Variants in CELF2 observed in about 807,000 individuals in gnomAD.
The protein encoded by CELF2 is CUG triplet repeat RNA-binding protein 2.
CELF2 carries 8 observed loss-of-function variants against 62.6 expected under a neutral mutation model. That is an observed-to-expected ratio of 0.13 (90% CI 0.07 to 0.23). CELF2 has a LOEUF of 0.23. CELF2 is among the 10% of genes least tolerant of loss of function. CELF2 has a pLI of 1.00. For missense variants in CELF2, 333 were observed against 671.0 expected, an observed-to-expected ratio of 0.50 and a Z score of 5.56; for synonymous variants, 258 against 250.0, an observed-to-expected ratio of 1.03 and a Z score of -0.30.
Position 11,211,809 on chromosome 10 carries a change from A to AGT in CELF2, c.272-5615_272-5614insTG, listed in dbSNP as rs766424195. On this transcript the variant is annotated intron_variant, in intron 2 of 12. Coordinates refer to ENST00000633077, the MANE Select transcript of CELF2 (RefSeq NM_001326342.2). The surrounding 1 kb of genome is among the most constrained non-coding windows in gnomAD (Gnocchi z 4.8). ...ATGTGTGTGAGAGAGAGAGAGAGAG[A>AGT]GAGAGTGTGTGTGTGTGTGTGTGTG... 1.2e-3 allele frequency among the ~76,000 whole-genome samples: 162 copies of AGT among 129,950 alleles called. No individual in the cohort carries two copies. The highest frequency in any genetic ancestry group is 1.8e-3 in the Admixed American group (24 of 13,178). The allele number at this position is 129,950 out of a possible 152,430, so 85.3% of individuals were successfully genotyped here. A position where few individuals can be genotyped will look rare whatever the true frequency, so the allele number is the denominator to read the frequency against.
Position 11,246,810 on chromosome 10 carries a change from C to G in CELF2, c.355-2343C>G, listed in dbSNP as rs1174364596. On this transcript the variant is annotated intron_variant, in intron 3 of 12. Transcript: ENST00000633077. The surrounding 1 kb of genome is among the most constrained non-coding windows in gnomAD (Gnocchi z 4.6). ...GCATACCTGTGGCTTCACTGTCACGCTAAGGAACATTCTCTGTGGCCCTGG... is the reference window on the plus strand; with the variant it reads ...GCATACCTGTGGCTTCACTGTCACGGTAAGGAACATTCTCTGTGGCCCTGG... Among the ~76,000 whole-genome samples, 2 of 152,242 alleles carry G rather than the reference C, an allele frequency of 1.3e-5. No homozygotes were observed. Among genetic ancestry groups the G allele is most frequent in the Non-Finnish European group, 2.9e-5 (2 of 68,046 alleles).
chr10:11,086,607 A>C (rs887465435), intron 1 of CELF2, among the ~76,000 whole-genome samples: 3 of 124,328 alleles, frequency 2.4e-5, no homozygotes, highest in Non-Finnish European at 5.2e-5. Flanking sequence ...AAAAAAAAAA[A>C]AAACTCCCGA....
chr10:11,130,746 A>G (rs970110985), intron 1 of CELF2, among the ~76,000 whole-genome samples: 1 of 152,216 alleles, frequency 6.6e-6, no homozygotes, highest in African/African-American at 2.4e-5. Flanking sequence ...ATTGTTGGGT[A>G]AGTGAAGATT....
intron 1 of CELF2, chr10:11,105,389 G>A (rs1056862911): frequency 2.0e-5 from 3 of 152,210 alleles, no homozygotes; most frequent in Non-Finnish European, 4.4e-5. Flanking sequence ...GTGTTACGGA[G>A]ACCAAGGGAG....
intron 1 of CELF2, among the ~76,000 whole-genome samples, chr10:10,874,918 T>C (rs1291429584): frequency 2.6e-5 from 4 of 152,164 alleles, no homozygotes; most frequent in Non-Finnish European, 1.5e-5. Flanking sequence ...TTAATTTTGA[T>C]CTGTTTTAAG....
chr10:11,097,236 G>A (rs1196949482), intron 1 of CELF2: 1 of 152,182 alleles, frequency 6.6e-6, no homozygotes, highest in Non-Finnish European at 1.5e-5. Context: ...AAAAAATTAA[G>A]ATAACATAGG....
chr10:10,735,345 C>T, the CELF2 span, among the ~76,000 whole-genome samples: 1 of 152,116 alleles, frequency 6.6e-6, no homozygotes, highest in Non-Finnish European at 1.5e-5. Context: ...AAATCTCATC[C>T]GTGCCATATT....
At chr10:10,690,274 G>A in the CELF2 span, among the ~76,000 whole-genome samples, 1 of 152,152 alleles carries the variant, frequency 6.6e-6, no homozygotes, top group African/African-American at 2.4e-5. Context: ...TTACCCTGTA[G>A]CATACGATGT....
chr10:10,671,634 G>A, the CELF2 span, among the ~76,000 whole-genome samples: 1 of 152,046 alleles, frequency 6.6e-6, no homozygotes, highest in African/African-American at 2.4e-5. Context: ...ATTCTAATAG[G>A]TGTACAGGTG....
At chr10:11,326,080 C>T (rs894798078) in intron 12 of CELF2, 101 bp downstream of exon 12, 5 of 1,190,988 alleles carry the variant, frequency 4.2e-6, no homozygotes, top group Admixed American at 4.7e-5. Context: ...AGGGCCTTCC[C>T]CACATTGTGT....
chr10:11,199,430 TG>T (rs1446662313), intron 2 of CELF2, among the ~76,000 whole-genome samples: 3 of 152,120 alleles, frequency 2.0e-5, no homozygotes, highest in Non-Finnish European at 2.9e-5. Flanking sequence ...CCACAAGTGC[TG>T]GAAGTAGATG....
At chr10:10,955,049 T>C (rs2048744719) in intron 2 of CELF2, among the ~76,000 whole-genome samples, 1 of 152,230 alleles carries the variant, frequency 6.6e-6, no homozygotes, top group African/African-American at 2.4e-5. Context: ...CTGTGTAAGG[T>C]TAAATGTGTA....
In CELF2 at chr10:11,007,010, C is replaced by T. The variant is rs550866900; in HGVS notation, c.53+1570C>T. 1.1e-3 allele frequency among the ~76,000 whole-genome samples: 172 copies of T among 152,158 alleles called. 3 individuals are homozygous for T. The highest frequency in any genetic ancestry group is 4.1e-3 in the African/African-American group (169 of 41,432). On this transcript the variant is annotated intron_variant, in intron 1 of 12. Transcript: ENST00000416382. ...AAGAAATAAAAGAATTGGCCCTAGA[C>T]TAGTGAATTATAATTGATTTACATG...
chr10:11,047,329 G>A (rs2063045577), intron 1 of CELF2, among the ~76,000 whole-genome samples: 1 of 152,164 alleles, frequency 6.6e-6, no homozygotes, highest in African/African-American at 2.4e-5. Flanking sequence ...GAGGACACTA[G>A]GAGGGTGTTC....
intron 2 of CELF2, among the ~76,000 whole-genome samples, chr10:10,977,022 C>A (rs2051427038): frequency 6.6e-6 from 1 of 152,202 alleles, no homozygotes; most frequent in East Asian, 1.9e-4. Flanking sequence ...ATTCTGACAC[C>A]TAAAAGAGTT....
chr10:10,707,053 C>T, the CELF2 span, among the ~76,000 whole-genome samples: 4 of 152,124 alleles, frequency 2.6e-5, no homozygotes, highest in Admixed American at 6.5e-5. Flanking sequence ...TTTTTCAACC[C>T]TAGGGGGTCA....
At chr10:10,881,873 T>C (rs572439474) in intron 1 of CELF2, among the ~76,000 whole-genome samples, 12 of 152,230 alleles carry the variant, frequency 7.9e-5, no homozygotes, top group Non-Finnish European at 1.3e-4. Context: ...TGGATATTAC[T>C]CCATCTTCAA....
At chr10:11,179,372 A>G (rs916368113) in intron 2 of CELF2, among the ~76,000 whole-genome samples, 4 of 152,202 alleles carry the variant, frequency 2.6e-5, no homozygotes, top group African/African-American at 9.7e-5. Flanking sequence ...GCAAATAAAG[A>G]TCAGAAGTCC....
intron 1 of CELF2, among the ~76,000 whole-genome samples, chr10:11,032,786 GGTGTCT>G (rs995195167): frequency 1.7e-4 from 26 of 152,116 alleles, no homozygotes; most frequent in Non-Finnish European, 2.8e-4. Context: ...CTGATTCTCT[GGTGTCT>G]GTGTCTGACA....
Sources: allele counts gnomAD v4.1 joint callset (sites outside exome capture counted in the v4.1 genomes callset), GRCh38; gene constraint gnomAD v4.1.1; non-coding constraint Gnocchi (gnomAD v3.1); transcripts MANE v1.5; gene names NCBI Gene and HGNC (gene_info 2026-07-23, HGNC 2026-07-21).